Variants in APLP2 observed in about 807,000 individuals in gnomAD.
APLP2 encodes CDEI box-binding protein.
In APLP2, 53 loss-of-function variants were observed where a neutral mutation model predicts 89.9. The ratio of observed to expected loss-of-function variants is 0.59; its 90% CI spans 0.47 to 0.74. APLP2 has a LOEUF of 0.74. Ranked by LOEUF, APLP2 falls within the 30% of genes least tolerant of loss-of-function variation. The pLI is 0.00. For missense variants in APLP2, 973 were observed against 975.9 expected, an observed-to-expected ratio of 1.00 and a Z score of 0.04; for synonymous variants, 372 against 348.6, an observed-to-expected ratio of 1.07 and a Z score of -0.75.
At chr11:130,136,433 C>CTG (rs1361204592) in intron 13 of APLP2, among the ~76,000 whole-genome samples, 1 of 152,218 alleles carries the variant, frequency 6.6e-6, no homozygotes, top group East Asian at 1.9e-4. Context: ...GGTGGGTAGT[C>CTG]GAGTGTCCCC....
rs1297174095 is a variant in APLP2, at chr11:130,140,428, T to C, written c.1868T>C (p.Leu623Pro). The change falls in exon 14 of 17, where the codon CTG becomes CCG. Residue 623 changes from leucine (L) to proline (P), a missense_variant. Transcript: ENST00000338167. ...GSGVGEQDGG[L>P]IGAEEKVINS... ...GGAGTGGGAGAGCAGGATGGGGGAC[T>C]GATCGGTGCCGAAGAGAAAGTGATT... 1 of 1,611,618 alleles carries C rather than the reference T, an allele frequency of 6.2e-7. No individual in the cohort carries two copies. The highest frequency in any genetic ancestry group is 2.2e-5 in the East Asian group (1 of 44,666).
intron 3 of APLP2, among the ~76,000 whole-genome samples, chr11:130,111,392 A>T (rs1565578953): frequency 6.6e-6 from 1 of 152,232 alleles, no homozygotes; most frequent in South Asian, 2.1e-4. Context: ...GGCAAAAAAA[A>T]ATCAATTTTA....
At chr11:130,113,331 A>G (rs1948810232) in intron 3 of APLP2, among the ~76,000 whole-genome samples, 1 of 152,234 alleles carries the variant, frequency 6.6e-6, no homozygotes, top group Non-Finnish European at 1.5e-5. Context: ...GAACCAAGCA[A>G]TAGTATTGTC....
At position 130,133,746 on chromosome 11, in the gene APLP2, G is replaced by A. The variant is rs1951205447; in HGVS notation, c.1684+18G>A. On this transcript the variant is annotated intron_variant, in intron 12 of 16. Transcript: ENST00000338167. ...GGAAATTGGTGGGTACCAGCTCTTT[G>A]TGTCAAGGTCATACGGGACTTCTTG... 1.3e-6 allele frequency: 2 copies of A among 1,581,654 alleles called. No individual in the cohort carries two copies. Among genetic ancestry groups the A allele is most frequent in the Admixed American group, 3.3e-5 (2 of 59,976 alleles).
rs1949312218 is a variant in APLP2 at position 130,117,387 on chromosome 11, A to G, written c.404-3319A>G. On this transcript the variant is annotated intron_variant, in intron 3 of 16. Transcript: ENST00000338167. ...ATGAGACATAATGTGATGGTTGCTC[A>G]TATGCTCACCCTCCTGATTTCAGTT... is the stretch of plus-strand genomic sequence containing the variant. Among the ~76,000 whole-genome samples the G allele has an allele frequency of 2.6e-5, 4 of 152,278 alleles. No individual in the cohort carries two copies. The South Asian group carries it at 8.3e-4, about 32-fold the overall frequency.
intron 1 of APLP2, among the ~76,000 whole-genome samples, chr11:130,103,078 CAT>C (rs1391232984): frequency 2.0e-5 from 3 of 152,122 alleles, no homozygotes; most frequent in Non-Finnish European, 2.9e-5. Context: ...CCATTTGTAA[CAT>C]GTTAGATTAG....
intron 1 of APLP2, among the ~76,000 whole-genome samples, chr11:130,090,247 C>CTTTT (rs539249012): frequency 3.5e-5 from 3 of 86,082 alleles, no homozygotes; most frequent in East Asian, 4.6e-4. Flanking sequence ...CTAGCTCTGT[C>CTTTT]TTTTTTTTTT....
At position 130,125,668 on chromosome 11, in the gene APLP2, C is replaced by T. The variant is rs3758818; in HGVS notation, c.1091-1032C>T. Among the ~76,000 whole-genome samples, 25 of 152,274 alleles carry T rather than the reference C, an allele frequency of 1.6e-4. No homozygotes were observed. In the East Asian group the frequency reaches 4.8e-3, roughly 29 times the overall value. On this transcript the variant is annotated intron_variant, in intron 7 of 16. Coordinates refer to ENST00000338167, the MANE Select transcript of APLP2 (RefSeq NM_001142276.2). ...GTTGTTTTAATGTATTAAAATGATA[C>T]AATTCTAGAAATTAGGTGAATTTGC...
At chr11:130,085,234 G>A (rs1173156196) in intron 1 of APLP2, among the ~76,000 whole-genome samples, 4 of 152,202 alleles carry the variant, frequency 2.6e-5, no homozygotes, top group African/African-American at 7.2e-5. Context: ...TTGATCACCT[G>A]AGGTCAGGAG....
rs753811281 is a variant in APLP2 at position 130,141,448 on chromosome 11, C to T, written c.1924-50C>T. 3 of 1,495,130 alleles carry T rather than the reference C, an allele frequency of 2.0e-6. No homozygotes were observed. In the South Asian group the frequency reaches 3.4e-5, roughly 17 times the overall value. 92.6% of individuals were successfully genotyped at this position (1,495,130 alleles called of 1,614,324 possible). On this transcript the variant is annotated intron_variant, in intron 14 of 16. Transcript: ENST00000338167. The surrounding 1 kb of genome is among the most constrained non-coding windows in gnomAD (Gnocchi z 4.2). Reference sequence around the variant, plus strand: ...GAGGAAGGAGGCAGTAAATACCAAACTCCCCGTTCACCCAGTTGCTTGCTG... The same window carrying T: ...GAGGAAGGAGGCAGTAAATACCAAATTCCCCGTTCACCCAGTTGCTTGCTG...
chr11:130,136,709 G>C (rs1224833297), intron 13 of APLP2, among the ~76,000 whole-genome samples: 1 of 152,168 alleles, frequency 6.6e-6, no homozygotes, highest in African/African-American at 2.4e-5. Context: ...AATAAAACAG[G>C]ATCTGAGGAA....
At chr11:130,132,337 T>G (rs934650463) in intron 11 of APLP2, among the ~76,000 whole-genome samples, 2 of 152,252 alleles carry the variant, frequency 1.3e-5, no homozygotes, top group Admixed American at 6.5e-5. Flanking sequence ...CAGTCTACAA[T>G]AAAAGCATCT....
intron 12 of APLP2, among the ~76,000 whole-genome samples, chr11:130,134,367 G>A (rs1397549412): frequency 1.3e-5 from 2 of 152,198 alleles, no homozygotes; most frequent in Admixed American, 6.5e-5. Context: ...GGGAGAGCAC[G>A]TTGGTAGCAG....
At chr11:130,095,119 C>T (rs376211306) in intron 1 of APLP2, among the ~76,000 whole-genome samples, 9 of 150,966 alleles carry the variant, frequency 6.0e-5, no homozygotes, top group Admixed American at 1.3e-4. Flanking sequence ...ATGAGATAGA[C>T]CAGATGCGTG....
chr11:130,121,769 G>GGAAGAGGAAGAT lies in APLP2; in HGVS notation c.684_695dup (p.Glu229_Asp232dup). Reference sequence around the variant, plus strand: ...AGGAAGAGGAAGATGAAGAGGAAGAGGAAGAGGAAGATGAAGAGGAAGACT... The same window carrying GGAAGAGGAAGAT: ...AGGAAGAGGAAGATGAAGAGGAAGAGGAAGAGGAAGATGAAGAGGAAGATGAAGAGGAAGACT... On this transcript the variant is annotated inframe_insertion, in exon 5 of 17. Transcript: ENST00000338167. 1 of 1,612,854 alleles carries GGAAGAGGAAGAT rather than the reference G, an allele frequency of 6.2e-7. No homozygotes were observed. The highest frequency in any genetic ancestry group is 8.5e-7 in the Non-Finnish European group (1 of 1,179,732).
intron 1 of APLP2, among the ~76,000 whole-genome samples, chr11:130,096,534 A>G (rs1232630928): frequency 2.0e-5 from 3 of 152,186 alleles, no homozygotes; most frequent in Non-Finnish European, 4.4e-5. Context: ...CCTGGGCAAT[A>G]TAGCGAGACC....
rs1393792350 is a variant in APLP2 at position 130,142,017 on chromosome 11, C to T, written c.2097C>T (p.Ile699=). The part of the protein sequence containing the change: ...IAVAIATVIV[I]SLVMLRKRQY... ...TGGCCATTGCCACGGTCATCGTCAT[C>T]AGCCTGGTGATGCTGAGGAAGAGGC... Residue 699 remains isoleucine (I), a synonymous_variant, in exon 16 of 17, where the codon ATC becomes ATT. Transcript: ENST00000338167. The T allele has an allele frequency of 1.9e-6, 3 of 1,613,946 alleles. No homozygotes were observed. The highest frequency in any genetic ancestry group is 2.5e-6 in the Non-Finnish European group (3 of 1,180,000).
At chr11:130,101,955 T>C (rs1946990808) in intron 1 of APLP2, 1 of 456,302 alleles carries the variant, frequency 2.2e-6, no homozygotes, top group African/African-American at 2.0e-5. Flanking sequence ...GTCCCCGGTC[T>C]TTCCTGATCA....
chr11:130,070,122 C>T, intron 1 of APLP2, 40 bp downstream of exon 1: 1 of 1,281,868 alleles, frequency 7.8e-7, no homozygotes, highest in Non-Finnish European at 1.0e-6. Context: ...TCTCCTTCGC[C>T]CGCCGGAGGA....
Sources: allele counts gnomAD v4.1 joint callset (sites outside exome capture counted in the v4.1 genomes callset), GRCh38; gene constraint gnomAD v4.1.1; non-coding constraint Gnocchi (gnomAD v3.1); transcripts MANE v1.5; gene names NCBI Gene and HGNC (gene_info 2026-07-23, HGNC 2026-07-21).